Variants in CLMN observed in about 807,000 individuals in gnomAD.
The protein encoded by CLMN is calmin (calponin-like, transmembrane).
Under a neutral mutation model 92.7 loss-of-function variants are expected in CLMN, and 57 were observed. That is an observed-to-expected ratio of 0.61 (90% confidence interval 0.50 to 0.77). The LOEUF is 0.77. Among genes scored for constraint, CLMN ranks in the 30% least tolerant of loss-of-function variants. CLMN has a pLI of 0.00. For synonymous variants in CLMN, 466 were observed against 470.6 expected (o/e 0.99, Z 0.13); for missense variants, 1,158 against 1,237.5 (o/e 0.94, Z 0.96).
intron 1 of CLMN, among the ~76,000 whole-genome samples, chr14:95,298,389 C>T (rs1900902069): frequency 6.6e-6 from 1 of 152,214 alleles, no homozygotes; most frequent in African/African-American, 2.4e-5. Context: ...AGAAGCTTCT[C>T]TCTTGTCTTG....
intron 1 of CLMN, among the ~76,000 whole-genome samples, chr14:95,260,103 A>G (rs1566900621): frequency 6.6e-6 from 1 of 152,156 alleles, no homozygotes; most frequent in Non-Finnish European, 1.5e-5. Flanking sequence ...CAGTAAGCAT[A>G]TCATTCATTC....
At position 95,203,545 on chromosome 14, in the gene CLMN, C is replaced by A; in HGVS notation, c.1804G>T (p.Ala602Ser). The change falls in exon 9 of 13, where the codon GCT (alanine) becomes TCT (serine). Residue 602 changes from alanine to serine, a missense_variant. Transcript: ENST00000298912. ...ATACTCCTTTTACCTAGTTTTTCAG[C>A]ATGATTCTCAAAAGCCTCAGCATCC... ...DEDAEAFENH[A>S]EKLGKRSIKS... 1 of 1,614,168 alleles carries A rather than the reference C, an allele frequency of 6.2e-7. No homozygotes were observed. The highest frequency in any genetic ancestry group is 2.2e-5 in the East Asian group (1 of 44,884).
chr14:95,293,206 T>TTCCTTCTTTTCC (rs1900652635), intron 1 of CLMN, among the ~76,000 whole-genome samples: 6 of 88,054 alleles, frequency 6.8e-5, no homozygotes, highest in African/African-American at 1.8e-4. Flanking sequence ...CCCCCCTTCC[T>TTCCTTCTTTTCC]TCCCTCCCTC....
chr14:95,193,777 CT>C lies in CLMN; in HGVS notation c.2840+71del, dbSNP rs60787962. On this transcript the variant is annotated intron_variant, in intron 12 of 12. Transcript: ENST00000298912. ...CAAAGCAGTGGGAGAATAACCACCC[CT>C]GTAAGGCAGGCTGCAGAATGTAAAA... 3,761 of 1,585,868 alleles carry C rather than the reference CT, an allele frequency of 2.4e-3. 71 individuals are homozygous for C. In the African/African-American group the frequency reaches 0.045, roughly 19 times the overall value.
rs750914320 is a variant in CLMN, at chr14:95,193,865, T to G, written c.2824A>C (p.Asn942His). ...GCCACCAACCTGGTTAATATTCGGT[T>G]TCTTCTGTCATCCAGATCTGCTGCG... ...RNAADLDDRR[N>H]RILTRKANSS... Residue 942 changes from asparagine (N) to histidine (H), a missense_variant, in exon 12 of 13, where the codon AAC becomes CAC. By Grantham distance (68) the Asn-to-His change is moderately conservative. Transcript: ENST00000298912. The G allele has an allele frequency of 1.2e-6, 2 of 1,614,036 alleles. No individual in the cohort carries two copies.
At chr14:95,232,918 T>C (rs754341460) in intron 1 of CLMN, among the ~76,000 whole-genome samples, 2 of 152,240 alleles carry the variant, frequency 1.3e-5, no homozygotes, top group Non-Finnish European at 2.9e-5. Flanking sequence ...ACAAGCATTG[T>C]ATGAGCATCC....
chr14:95,313,220 A>T (rs545329367), intron 1 of CLMN, among the ~76,000 whole-genome samples: 1 of 152,356 alleles, frequency 6.6e-6, no homozygotes, highest in South Asian at 2.1e-4. Flanking sequence ...AAAATAAAAT[A>T]AAAATTAAAA....
At chr14:95,301,897 C>T (rs554803291) in intron 1 of CLMN, among the ~76,000 whole-genome samples, 1 of 152,344 alleles carries the variant, frequency 6.6e-6, no homozygotes, top group Admixed American at 6.5e-5. Flanking sequence ...CAACATGGTC[C>T]CTGAGTGCAG....
chr14:95,203,497 C>G lies in CLMN; in HGVS notation c.1852G>C (p.Asp618His), dbSNP rs757993203. The G allele has an allele frequency of 1.2e-6, 2 of 1,614,154 alleles. No individual in the cohort carries two copies. The highest frequency in any genetic ancestry group is 1.6e-4 in the Middle Eastern group (1 of 6,062). ...ATCTTAACTTGAGGCTCTGGCGAAT[C>G]CTTCTTTTTGTGAGCAGATTTAATA... ...RSIKSAHKKK[D>H]SPEPQVKMDK... Residue 618 changes from aspartate to histidine, a missense_variant, in exon 9 of 13, where the codon GAT becomes CAT. Asp to His is a moderately conservative substitution (Grantham distance 81). Transcript: ENST00000298912.
chr14:95,211,698 A>C lies in CLMN; in HGVS notation c.609-819T>G, dbSNP rs368461563. Among the ~76,000 whole-genome samples, 222 of 152,088 alleles carry C rather than the reference A, an allele frequency of 1.5e-3. 3 individuals carry two copies. Among genetic ancestry groups the C allele is most frequent in the African/African-American group, 5.0e-3 (209 of 41,530 alleles). On this transcript the variant is annotated intron_variant, in intron 6 of 12. Coordinates refer to ENST00000298912, the MANE Select transcript of CLMN (RefSeq NM_024734.4). ...ACAACCAAGTACCTTTTTATTTGGA[A>C]ATCATTTAAGACCCAAAAGAAGTTG... is the stretch of plus-strand genomic sequence containing the variant.
chr14:95,302,705 T>C lies in CLMN; in HGVS notation c.82+17006A>G, dbSNP rs537721439. On this transcript the variant is annotated intron_variant, in intron 1 of 12. Transcript: ENST00000298912. The stretch of plus-strand genomic sequence containing the variant: ...TTAACACTCATGACTTCACTGAGTC[T>C]CCCAAACAACCCTGGGAGGGCTTGA... Among the ~76,000 whole-genome samples, 131 of 152,316 alleles carry C rather than the reference T, an allele frequency of 8.6e-4. 1 individual carries two copies. The South Asian group carries it at 0.012, about 14-fold the overall frequency.
At chr14:95,292,626 G>A (rs1442049992) in intron 1 of CLMN, among the ~76,000 whole-genome samples, 1 of 152,100 alleles carries the variant, frequency 6.6e-6, no homozygotes, top group Non-Finnish European at 1.5e-5. Context: ...CACGGGGACC[G>A]ACGGTACCCT....
Position 95,203,753 on chromosome 14 carries a change from A to C in CLMN, c.1596T>G (p.Thr532=). 1 of 1,614,178 alleles carries C rather than the reference A, an allele frequency of 6.2e-7. No homozygotes were observed. Among genetic ancestry groups the C allele is most frequent in the Non-Finnish European group, 8.5e-7 (1 of 1,180,012 alleles). ...TGATCTGGAAGGAATCGGCCATCAC[A>C]GTATTTTCTCCTGGGGGTGAAAGAG... ...SHSLSPPGEN[T]VMADSFQIKV... is the part of the protein sequence containing the mutation. The change falls in exon 9 of 13, where the codon ACT becomes ACG. Residue 532 remains threonine, a synonymous_variant. Coordinates refer to ENST00000298912, the MANE Select transcript of CLMN (RefSeq NM_024734.4).
chr14:95,219,906 C>T (rs190884368), intron 4 of CLMN, among the ~76,000 whole-genome samples: 5 of 152,248 alleles, frequency 3.3e-5, no homozygotes, highest in Admixed American at 2.6e-4. Context: ...AATTTTAGAA[C>T]ATTTTCATCC....
intron 1 of CLMN, among the ~76,000 whole-genome samples, chr14:95,291,580 G>C (rs1430665278): frequency 6.6e-6 from 1 of 152,186 alleles, no homozygotes; most frequent in African/African-American, 2.4e-5. Context: ...ACTGGCCCCA[G>C]CAAACCTCGC....
At chr14:95,261,967 C>T (rs904971477) in intron 1 of CLMN, among the ~76,000 whole-genome samples, 2 of 152,230 alleles carry the variant, frequency 1.3e-5, no homozygotes, top group African/African-American at 4.8e-5. Flanking sequence ...ATTTTTCCTC[C>T]AAGCGGCAGC....
intron 1 of CLMN, among the ~76,000 whole-genome samples, chr14:95,245,226 T>TA (rs1898470671): frequency 4.0e-5 from 1 of 24,932 alleles, no homozygotes; most frequent in Non-Finnish European, 5.9e-5. Context: ...ATATATATAT[T>TA]ATATATATAT....
chr14:95,198,601 G>A (rs1405539581), intron 9 of CLMN, among the ~76,000 whole-genome samples: 1 of 152,106 alleles, frequency 6.6e-6, no homozygotes, highest in African/African-American at 2.4e-5. Flanking sequence ...TGAGGCAGAC[G>A]GTGTTGATTT....
At position 95,203,005 on chromosome 14, in the gene CLMN, T is replaced by G. The variant is rs774460980; in HGVS notation, c.2344A>C (p.Ser782Arg). The change falls in exon 9 of 13, where the codon AGT becomes CGT. Residue 782 changes from serine (S) to arginine (R), a missense_variant. Transcript: ENST00000298912. ...EEADGSQSSS[S>R]SSVPGESLPS... ...AGGCTCTCTCCTGGCACCGAGGAAC[T>G]GGAGCTGCTCTGAGAGCCATCGGCC... The G allele has an allele frequency of 5.6e-6, 9 of 1,614,134 alleles. No individual in the cohort carries two copies. Among genetic ancestry groups the G allele is most frequent in the Non-Finnish European group, 7.6e-6 (9 of 1,180,016 alleles).
Sources: allele counts gnomAD v4.1 joint callset (sites outside exome capture counted in the v4.1 genomes callset), GRCh38; gene constraint gnomAD v4.1.1; transcripts MANE v1.5; gene names NCBI Gene and HGNC (gene_info 2026-07-23, HGNC 2026-07-21).